ASTN2: variants seen among roughly 807,000 people sequenced by gnomAD.
ASTN2 encodes astrotactin 2, also known as astrotactin-2.
A neutral mutation model predicts 139.8 loss-of-function variants in ASTN2; 54 were observed. The ratio of observed to expected loss-of-function variants is 0.39; its 90% CI spans 0.31 to 0.48. The LOEUF (loss-of-function observed/expected upper bound fraction) is 0.48, where lower values mean the gene tolerates loss of function less well. Among genes scored for constraint, ASTN2 ranks in the 20% least tolerant of loss-of-function variants. The probability of loss-of-function intolerance (pLI) is 0.95; values close to 1 mark genes in which losing one functional copy is unlikely to be tolerated. For synonymous variants in ASTN2, 756 were observed against 719.5 expected, an observed-to-expected ratio of 1.05 and a Z score of -0.81; for missense variants, 1,565 against 1,725.1, an observed-to-expected ratio of 0.91 and a Z score of 1.64.
chr9:117,304,363 C>T (rs1834948662), intron 1 of ASTN2, among the ~76,000 whole-genome samples: 1 of 152,172 alleles, frequency 6.6e-6, no homozygotes. Context: ...TTTCATGCTT[C>T]ACCTACCCTC....
chr9:116,871,161 G>A (rs972511726), intron 10 of ASTN2, among the ~76,000 whole-genome samples: 1 of 152,194 alleles, frequency 6.6e-6, no homozygotes, highest in African/African-American at 2.4e-5. Context: ...AGGAAGCTGA[G>A]GCAGGAGAAT....
Position 116,736,550 on chromosome 9 carries a change from A to C in ASTN2, c.2397-3027T>G, listed in dbSNP as rs372395248. Among the ~76,000 whole-genome samples, 953 of 152,260 alleles carry C rather than the reference A, an allele frequency of 6.3e-3. 61 individuals carry two copies. In the South Asian group the frequency reaches 0.16, roughly 25 times the overall value. On this transcript the variant is annotated intron_variant, in intron 13 of 22. Transcript: ENST00000313400. ...GCCCAGACAGGATGCAGCCAAGAGGAGGACCTTGCTGCTCCTACAAGAGAG... is the reference window on the plus strand; with the variant it reads ...GCCCAGACAGGATGCAGCCAAGAGGCGGACCTTGCTGCTCCTACAAGAGAG...
chr9:116,598,059 C>T (rs111259837), intron 19 of ASTN2, among the ~76,000 whole-genome samples: 3,443 of 152,260 alleles, frequency 0.023, 135 homozygotes, highest in African/African-American at 0.078. Context: ...ACTCCACCCT[C>T]ACCTTTTCCC....
At chr9:116,448,951 G>C (rs1848089962) in intron 20 of ASTN2, among the ~76,000 whole-genome samples, 1 of 152,194 alleles carries the variant, frequency 6.6e-6, no homozygotes. Context: ...GTAGTAGAAA[G>C]AGTGTTTCTG....
At chr9:117,226,454 A>T (rs1000116837) in intron 2 of ASTN2, among the ~76,000 whole-genome samples, 2 of 152,238 alleles carry the variant, frequency 1.3e-5, no homozygotes, top group African/African-American at 4.8e-5. Flanking sequence ...TCAATGCTCA[A>T]CAAAAGATGA....
intron 16 of ASTN2, among the ~76,000 whole-genome samples, chr9:116,658,829 C>CCTCTTAATG (rs1858389206): frequency 6.6e-6 from 1 of 150,498 alleles, no homozygotes; most frequent in African/African-American, 2.5e-5. Context: ...ACCATTCCCA[C>CCTCTTAATG]CTCTTAATGC....
chr9:116,459,577 A>G (rs1024288415), intron 20 of ASTN2, among the ~76,000 whole-genome samples: 1 of 152,076 alleles, frequency 6.6e-6, no homozygotes, highest in African/African-American at 2.4e-5. Flanking sequence ...ACGAAGCACA[A>G]TTTAAAAATG....
rs977008060 is a variant in ASTN2, at chr9:117,081,755, G to A, written c.1276+14289C>T. 5.9e-5 allele frequency among the ~76,000 whole-genome samples: 9 copies of A among 152,158 alleles called. No homozygotes were observed. The East Asian group carries it at 7.7e-4, about 13-fold the overall frequency. On this transcript the variant is annotated intron_variant, in intron 5 of 22. Coordinates refer to ENST00000313400, the MANE Select transcript of ASTN2 (RefSeq NM_001365068.1). ...GCCTTGAATAAACATGTTGTGAACC[G>A]CCTACAGGGGAGACATGTGGCAAGG...
At chr9:116,958,386 T>C in intron 10 of ASTN2, among the ~76,000 whole-genome samples, 1 of 151,952 alleles carries the variant, frequency 6.6e-6, no homozygotes, top group Non-Finnish European at 1.5e-5. Flanking sequence ...GTCAGGAGAT[T>C]GAGACCATCC....
intron 2 of ASTN2, among the ~76,000 whole-genome samples, chr9:117,249,693 CTT>C (rs56222565): frequency 1.4e-5 from 2 of 146,728 alleles, no homozygotes; most frequent in African/African-American, 2.5e-5. Flanking sequence ...CTGACATTGT[CTT>C]TTTTTTTTTT....
intron 11 of ASTN2, among the ~76,000 whole-genome samples, chr9:116,847,645 T>A (rs2132316908): frequency 6.6e-6 from 1 of 152,326 alleles, no homozygotes; most frequent in South Asian, 2.1e-4. Flanking sequence ...GTGCACAGCC[T>A]GATGGTATAG....
At chr9:117,288,712 GC>G in intron 2 of ASTN2, among the ~76,000 whole-genome samples, 1 of 152,256 alleles carries the variant, frequency 6.6e-6, no homozygotes, top group Middle Eastern at 3.4e-3. Flanking sequence ...ATTGTCTGTG[GC>G]CAGAATGACA....
rs190235509 is a variant in ASTN2 at position 116,742,481 on chromosome 9, C to T, written c.2397-8958G>A. ...CTGGCCTTTTGGAAGTCAAACCACCCCTCATTCATTCCAAGTACAAGGGTA... is the reference window on the plus strand; with the variant it reads ...CTGGCCTTTTGGAAGTCAAACCACCTCTCATTCATTCCAAGTACAAGGGTA... On this transcript the variant is annotated intron_variant, in intron 13 of 22. Transcript: ENST00000313400. Among the ~76,000 whole-genome samples, 234 of 152,280 alleles carry T rather than the reference C, an allele frequency of 1.5e-3. 1 individual carries two copies. Among genetic ancestry groups the T allele is most frequent in the Middle Eastern group, 6.8e-3 (2 of 294 alleles).
intron 19 of ASTN2, among the ~76,000 whole-genome samples, chr9:116,566,055 C>G (rs1289816567): frequency 6.6e-6 from 1 of 152,206 alleles, no homozygotes; most frequent in Non-Finnish European, 1.5e-5. Flanking sequence ...AGTGATCATT[C>G]TAAAATATGC....
At chr9:116,834,689 C>T (rs1831930459) in intron 11 of ASTN2, among the ~76,000 whole-genome samples, 1 of 152,180 alleles carries the variant, frequency 6.6e-6, no homozygotes, top group African/African-American at 2.4e-5. Context: ...TTCTTGCAGA[C>T]AGTATATAAT....
chr9:116,986,857 A>C (rs1836697674), intron 7 of ASTN2, among the ~76,000 whole-genome samples: 1 of 152,200 alleles, frequency 6.6e-6, no homozygotes, highest in Non-Finnish European at 1.5e-5. Flanking sequence ...TGTTTTACAG[A>C]GAGAACAACA....
chr9:116,941,772 T>C lies in ASTN2; in HGVS notation c.1889+33436A>G, dbSNP rs114753913. The stretch of plus-strand genomic sequence containing the variant: ...CTATGAACAAACTACAGACTTTCTT[T>C]GGAGGCTGATCATTGTTTTTTCATT... On this transcript the variant is annotated intron_variant, in intron 10 of 22. Coordinates refer to ENST00000313400, the MANE Select transcript of ASTN2 (RefSeq NM_001365068.1). Among the ~76,000 whole-genome samples, 1,269 of 152,228 alleles carry C rather than the reference T, an allele frequency of 8.3e-3. 16 individuals are homozygous for C. The highest frequency in any genetic ancestry group is 0.031 in the Middle Eastern group (9 of 294).
rs1860991801 is a variant in ASTN2, at chr9:116,698,394, A to C, written c.2806+27377T>G. The stretch of plus-strand genomic sequence containing the variant: ...TTTGGCTGAAGTTGAGAAGTCCAAT[A>C]GTCAAGTGGTAGAGGAGCAGAGTTA... On this transcript the variant is annotated intron_variant, in intron 16 of 22. Transcript: ENST00000313400. This position sits in a 1 kb window ranked among gnomAD's most constrained non-coding sequence, Gnocchi z 4.4. 1 of 1,614,116 alleles carries C rather than the reference A, an allele frequency of 6.2e-7. No individual in the cohort carries two copies. Among genetic ancestry groups the C allele is most frequent in the Non-Finnish European group, 8.5e-7 (1 of 1,180,020 alleles).
At position 117,264,903 on chromosome 9, in the gene ASTN2, C is replaced by T. The variant is rs147358123; in HGVS notation, c.630+26423G>A. Among the ~76,000 whole-genome samples, 142 of 152,274 alleles carry T rather than the reference C, an allele frequency of 9.3e-4. 2 individuals carry two copies. The highest frequency in any genetic ancestry group is 6.8e-3 in the Middle Eastern group (2 of 294). ...TGAAGATGTTTGTAAGTTGATATTT[C>T]GGAACCAAACTTCAGGAAGGACCTT... On this transcript the variant is annotated intron_variant, in intron 2 of 22. Coordinates refer to ENST00000313400, the MANE Select transcript of ASTN2 (RefSeq NM_001365068.1).
Sources: allele counts gnomAD v4.1 joint callset (sites outside exome capture counted in the v4.1 genomes callset), GRCh38; gene constraint gnomAD v4.1.1; non-coding constraint Gnocchi (gnomAD v3.1); transcripts MANE v1.5; gene names NCBI Gene and HGNC (gene_info 2026-07-23, HGNC 2026-07-21).